Variants in DGKB observed in about 807,000 individuals in gnomAD.
DGKB encodes 90 kDa diacylglycerol kinase.
In DGKB, 67 loss-of-function variants were observed where a neutral mutation model predicts 114.3. That is an observed-to-expected ratio of 0.59 (90% CI 0.48 to 0.72). DGKB has a LOEUF of 0.72. Among genes scored for constraint, DGKB ranks in the 30% least tolerant of loss-of-function variants. The pLI is 0.00. For synonymous variants in DGKB, 398 were observed against 323.1 expected, an observed-to-expected ratio of 1.23 and a Z score of -2.49; for missense variants, 907 against 975.2, an observed-to-expected ratio of 0.93 and a Z score of 0.93.
chr7:14,807,225 C>A (rs1203530836), intron 2 of DGKB, among the ~76,000 whole-genome samples: 1 of 151,910 alleles, frequency 6.6e-6, no homozygotes, highest in Non-Finnish European at 1.5e-5. Context: ...CTACCTCACA[C>A]ATATAATTGT....
intron 23 of DGKB, among the ~76,000 whole-genome samples, chr7:14,274,989 TATAA>T (rs1798794168): frequency 6.7e-6 from 1 of 149,654 alleles, no homozygotes; most frequent in African/African-American, 2.5e-5. Context: ...GTGTGCGTGT[TATAA>T]ATGTGATTTC....
chr7:14,511,084 G>A (rs1787912892), intron 20 of DGKB, among the ~76,000 whole-genome samples: 1 of 152,136 alleles, frequency 6.6e-6, no homozygotes, highest in South Asian at 2.1e-4. Flanking sequence ...AATGGTCAAT[G>A]AGCACTGGCT....
intron 20 of DGKB, among the ~76,000 whole-genome samples, chr7:14,492,440 T>G (rs1287774717): frequency 6.6e-6 from 1 of 152,024 alleles, no homozygotes; most frequent in Non-Finnish European, 1.5e-5. Context: ...AAATATTTGC[T>G]CATGTTTTTC....
intron 21 of DGKB, among the ~76,000 whole-genome samples, chr7:14,371,971 G>T (rs1314484498): frequency 6.6e-6 from 1 of 152,164 alleles, no homozygotes; most frequent in African/African-American, 2.4e-5. Context: ...TCCAAAGAAT[G>T]ACTGACTTTG....
intron 1 of DGKB, among the ~76,000 whole-genome samples, chr7:14,950,728 T>A (rs566854052): frequency 1.3e-5 from 2 of 151,762 alleles, no homozygotes; most frequent in South Asian, 2.1e-4. Context: ...AAATAAACAC[T>A]CTCTAACTCA....
At chr7:14,697,340 G>C (rs1355990893) in intron 8 of DGKB, among the ~76,000 whole-genome samples, 1 of 152,122 alleles carries the variant, frequency 6.6e-6, no homozygotes, top group Non-Finnish European at 1.5e-5. Context: ...CTACCTCAGA[G>C]AGTTGAAAGC....
chr7:14,775,839 G>T (rs1171399150), intron 2 of DGKB, among the ~76,000 whole-genome samples: 1 of 151,962 alleles, frequency 6.6e-6, no homozygotes, highest in Admixed American at 6.6e-5. Flanking sequence ...ACAGTAAATT[G>T]GTCATGGGAG....
intron 2 of DGKB, among the ~76,000 whole-genome samples, chr7:14,831,590 T>C (rs1846420350): frequency 6.6e-6 from 1 of 151,980 alleles, no homozygotes; most frequent in Admixed American, 6.6e-5. Flanking sequence ...CCAATAAAAC[T>C]AAAGTAGGGG....
At chr7:14,683,150 C>A (rs1475880817) in intron 10 of DGKB, among the ~76,000 whole-genome samples, 5 of 152,072 alleles carry the variant, frequency 3.3e-5, no homozygotes, top group Non-Finnish European at 7.4e-5. Flanking sequence ...ATATTAAAGA[C>A]AAATTGATGA....
chr7:14,412,174 T>C (rs1032614683), intron 21 of DGKB, among the ~76,000 whole-genome samples: 7 of 152,152 alleles, frequency 4.6e-5, no homozygotes, highest in African/African-American at 1.7e-4. Flanking sequence ...CATTCACCTA[T>C]TCAGAAAAAA....
At chr7:14,566,480 T>C (rs1299559379) in intron 20 of DGKB, among the ~76,000 whole-genome samples, 2 of 152,194 alleles carry the variant, frequency 1.3e-5, no homozygotes, top group African/African-American at 4.8e-5. Flanking sequence ...TTTAAAGTTG[T>C]TTGTGTCATT....
At chr7:14,677,347 T>C (rs1269779398) in intron 12 of DGKB, among the ~76,000 whole-genome samples, 1 of 151,946 alleles carries the variant, frequency 6.6e-6, no homozygotes, top group African/African-American at 2.4e-5. Context: ...TTTGAAGACC[T>C]GATTTGGAGG....
chr7:14,509,211 A>G (rs905800706), intron 20 of DGKB, among the ~76,000 whole-genome samples: 2 of 152,168 alleles, frequency 1.3e-5, no homozygotes, highest in African/African-American at 4.8e-5. Context: ...TTGAGGGTTC[A>G]GTTCTAGAAC....
At chr7:14,699,309 T>A (rs751173363) in intron 7 of DGKB, among the ~76,000 whole-genome samples, 9 of 152,172 alleles carry the variant, frequency 5.9e-5, no homozygotes, top group Non-Finnish European at 1.3e-4. Context: ...ACCTACTCCA[T>A]CTTTGCTTAC....
intron 14 of DGKB, among the ~76,000 whole-genome samples, chr7:14,629,347 AT>A (rs1416765783): frequency 6.6e-6 from 1 of 152,028 alleles, no homozygotes; most frequent in African/African-American, 2.4e-5. Context: ...ATTTTTGAGT[AT>A]GTCTCTGGTT....
chr7:14,608,778 T>C (rs1804981409), intron 16 of DGKB, among the ~76,000 whole-genome samples: 1 of 151,736 alleles, frequency 6.6e-6, no homozygotes, highest in South Asian at 2.1e-4. Context: ...TTCAATAACA[T>C]CCAGCCAGAG....
At chr7:14,753,567 AT>A (rs1210950574) in intron 4 of DGKB, among the ~76,000 whole-genome samples, 2 of 152,202 alleles carry the variant, frequency 1.3e-5, no homozygotes, top group African/African-American at 4.8e-5. Context: ...CAATTTTAAA[AT>A]TTCCCATGGT....
intron 1 of DGKB, among the ~76,000 whole-genome samples, chr7:14,912,091 G>C (rs1784031032): frequency 6.6e-6 from 1 of 152,028 alleles, no homozygotes; most frequent in Non-Finnish European, 1.5e-5. Context: ...AATTTTATTG[G>C]AATATAAATA....
chr7:14,602,846 A>C (rs1342166775), intron 17 of DGKB, among the ~76,000 whole-genome samples: 1 of 152,230 alleles, frequency 6.6e-6, no homozygotes, highest in Non-Finnish European at 1.5e-5. Flanking sequence ...TCAAATGGCC[A>C]ATTCAGAACA....
Sources: gnomAD v4.1 joint callset for allele counts (sites outside exome capture counted in the v4.1 genomes callset) on GRCh38, gnomAD v4.1.1 for gene constraint, MANE v1.5 for transcripts, NCBI Gene and HGNC (gene_info 2026-07-23, HGNC 2026-07-21) for gene names.